SLBP: variants seen among roughly 807,000 people sequenced by gnomAD.
SLBP encodes stem-loop histone mRNA binding protein.
In SLBP, 29 loss-of-function variants were observed where a neutral mutation model predicts 39.2. The observed-to-expected ratio is 0.74, with a 90% confidence interval of 0.55 to 1.01. SLBP has a LOEUF of 1.01. SLBP is among the 50% of genes least tolerant of loss of function. The pLI, the probability that SLBP is intolerant of heterozygous loss-of-function variation, is 0.00. For missense variants in SLBP, 390 were observed against 350.2 expected (o/e 1.11, Z -0.91); for synonymous variants, 129 against 118.7 (o/e 1.09, Z -0.57).
At chr4:1,701,147 T>C (rs1004448210) in intron 3 of SLBP, among the ~76,000 whole-genome samples, 2 of 46,644 alleles carry the variant, frequency 4.3e-5, no homozygotes, top group Non-Finnish European at 1.2e-4. Context: ...CTTTTTTTTC[T>C]TTTTTTTTTT....
intron 3 of SLBP, among the ~76,000 whole-genome samples, chr4:1,702,144 G>A (rs1716352299): frequency 6.6e-6 from 1 of 152,160 alleles, no homozygotes; most frequent in Non-Finnish European, 1.5e-5. Context: ...CTAGGCTATC[G>A]GTATGCAAGA....
chr4:1,711,776 T>C lies in SLBP; in HGVS notation c.176+98A>G, dbSNP rs1016507817. The C allele has an allele frequency of 6.6e-6, 4 of 602,624 alleles. No homozygotes were observed. The East Asian group carries it at 1.4e-4, about 21-fold the overall frequency. 37.3% of individuals were successfully genotyped at this position (602,624 alleles called of 1,614,324 possible). ...GATAAAAGGACGCAGGGTGCCGACC[T>C]GACCGATCCCGGCACCGCGAGAGCG... On this transcript the variant is annotated intron_variant, in intron 2 of 7. Coordinates refer to ENST00000489418, the MANE Select transcript of SLBP (RefSeq NM_006527.4).
chr4:1,699,944 C>G, intron 4 of SLBP, 67 bp downstream of exon 4: 1 of 1,136,244 alleles, frequency 8.8e-7, no homozygotes, highest in South Asian at 1.4e-5. Context: ...CTGACAGTCA[C>G]AATTTTTTTT....
intron 3 of SLBP, among the ~76,000 whole-genome samples, chr4:1,702,306 A>G (rs1716357202): frequency 6.6e-6 from 1 of 152,228 alleles, no homozygotes; most frequent in African/African-American, 2.4e-5. Flanking sequence ...CATTTCTTCT[A>G]CCAAGGCATA....
intron 5 of SLBP, among the ~76,000 whole-genome samples, chr4:1,697,314 A>G (rs1577178148): frequency 6.6e-6 from 1 of 151,318 alleles, no homozygotes; most frequent in African/African-American, 2.4e-5. Context: ...CTAAAAATAC[A>G]AAAAACTAGC....
Position 1,711,944 on chromosome 4 carries a change from C to G in SLBP, c.106G>C (p.Asp36His). The change falls in exon 2 of 8, where the codon GAC becomes CAC. Residue 36 changes from aspartate (D) to histidine (H), a missense_variant. Physicochemically the swap from Asp to His is moderately conservative, Grantham distance 81. Coordinates refer to ENST00000489418, the MANE Select transcript of SLBP (RefSeq NM_006527.4). ...TCTTCGGGCCTCCAGCGCCTGCCGTCGGCTCTGCGCTTCCGTCCCAGGCTC... is the reference window on the plus strand; with the variant it reads ...TCTTCGGGCCTCCAGCGCCTGCCGTGGGCTCTGCGCTTCCGTCCCAGGCTC... ...RWSLGRKRRA[D>H]GRRWRPEDAE... The G allele has an allele frequency of 7.5e-7, 1 of 1,339,260 alleles. No individual in the cohort carries two copies. Among genetic ancestry groups the G allele is most frequent in the Non-Finnish European group, 9.6e-7 (1 of 1,046,542 alleles). The allele number at this position is 1,339,260 out of a possible 1,614,324, so 83.0% of individuals were successfully genotyped here. A position where few individuals can be genotyped will look rare whatever the true frequency, so the allele number is the denominator to read the frequency against.
chr4:1,700,218 AG>A, intron 3 of SLBP, 148 bp from the exon 4 acceptor site: 1 of 479,400 alleles, frequency 2.1e-6, no homozygotes, highest in Non-Finnish European at 3.7e-6. Context: ...TGTCAGGTTC[AG>A]TTTAAGTAGT....
In SLBP at chr4:1,712,298, C is replaced by T. The variant is rs1307689344; in HGVS notation, c.-110G>A. 1.1e-5 allele frequency: 7 copies of T among 642,044 alleles called. No homozygotes were observed. The Admixed American group carries it at 1.7e-4, about 16-fold the overall frequency. 39.8% of individuals were successfully genotyped at this position (642,044 alleles called of 1,614,324 possible). On this transcript the variant is annotated 5_prime_UTR_variant, in exon 1 of 8. Transcript: ENST00000489418. ...GGCCTGAGGCAGAAACCCGCGTCCCCGCGCCGGCGCTCACGAGCTCTGCGC... is the reference window on the plus strand; with the variant it reads ...GGCCTGAGGCAGAAACCCGCGTCCCTGCGCCGGCGCTCACGAGCTCTGCGC...
intron 7 of SLBP, among the ~76,000 whole-genome samples, chr4:1,694,479 C>G (rs1414973714): frequency 1.3e-5 from 2 of 151,908 alleles, no homozygotes; most frequent in African/African-American, 4.8e-5. Flanking sequence ...GCAACCTCCA[C>G]CTCCTGGGTT....
intron 5 of SLBP, among the ~76,000 whole-genome samples, chr4:1,697,526 T>TA (rs1716157235): frequency 6.6e-6 from 1 of 150,898 alleles, no homozygotes; most frequent in Non-Finnish European, 1.5e-5. Flanking sequence ...CAAATATGTT[T>TA]AAAAAAATTA....
intron 2 of SLBP, among the ~76,000 whole-genome samples, chr4:1,706,359 T>G (rs1193220976): frequency 1.3e-5 from 2 of 152,258 alleles, no homozygotes; most frequent in South Asian, 2.1e-4. Context: ...CAGAATGTTA[T>G]GTACACTATG....
intron 2 of SLBP, among the ~76,000 whole-genome samples, 167 bp downstream of exon 2, chr4:1,711,707 G>C (rs529975604): frequency 6.6e-6 from 1 of 152,334 alleles, no homozygotes; most frequent in African/African-American, 2.4e-5. Flanking sequence ...GCGCCTCCCA[G>C]GCCTGCTGCG....
rs112350498 is a variant in SLBP, at chr4:1,693,989, T to G, written c.697-276A>C. Among the ~76,000 whole-genome samples, 6 of 152,332 alleles carry G rather than the reference T, an allele frequency of 3.9e-5. No homozygotes were observed. In the East Asian group the frequency reaches 1.2e-3, roughly 29 times the overall value. ...ACTGTGCCTGGCCATGTACATAGTT[T>G]ATAAGCACAGAAAGAATTGTAAAAG... On this transcript the variant is annotated intron_variant, in intron 7 of 7. Coordinates refer to ENST00000489418, the MANE Select transcript of SLBP (RefSeq NM_006527.4).
chr4:1,711,741 C>G (rs947400096), intron 2 of SLBP, 133 bp downstream of exon 2: 2 of 435,420 alleles, frequency 4.6e-6, no homozygotes, highest in East Asian at 7.3e-5. Context: ...ACGGGCCGCG[C>G]GGAGACCAAG....
chr4:1,699,321 G>T (rs1346320099), intron 5 of SLBP, among the ~76,000 whole-genome samples: 4 of 152,058 alleles, frequency 2.6e-5, no homozygotes, highest in Non-Finnish European at 4.4e-5. Flanking sequence ...TGACTCCTAA[G>T]AAATAAAATG....
chr4:1,703,575 A>T, intron 3 of SLBP, 21 bp downstream of exon 3: 1 of 1,433,162 alleles, frequency 7.0e-7, no homozygotes, highest in Non-Finnish European at 9.9e-7. Flanking sequence ...TTAACACTTC[A>T]AGGTGGTCCA....
chr4:1,694,134 G>A lies in SLBP; in HGVS notation c.697-421C>T, dbSNP rs917474097. Among the ~76,000 whole-genome samples, 2 of 152,250 alleles carry A rather than the reference G, an allele frequency of 1.3e-5. 1 individual carries two copies. Among genetic ancestry groups the A allele is most frequent in the Non-Finnish European group, 2.9e-5 (2 of 68,054 alleles). On this transcript the variant is annotated intron_variant, in intron 7 of 7. Coordinates refer to ENST00000489418, the MANE Select transcript of SLBP (RefSeq NM_006527.4). ...GTCTCACTCTGTCACACAGGGTGGA[G>A]GGCAGTGGTACAATTTCGGCTCATT...
In SLBP at chr4:1,692,913, T is replaced by C. The variant is rs1031344321; in HGVS notation, c.*684A>G. The C allele has an allele frequency of 2.6e-5, 4 of 152,674 alleles. No homozygotes were observed. The highest frequency in any genetic ancestry group is 4.4e-5 in the Non-Finnish European group (3 of 68,052). The allele number at this position is 152,674 out of a possible 1,614,324, so 9.5% of individuals were successfully genotyped here. A position where few individuals can be genotyped will look rare whatever the true frequency, so the allele number is the denominator to read the frequency against. On this transcript the variant is annotated 3_prime_UTR_variant, in exon 8 of 8. Coordinates refer to ENST00000489418, the MANE Select transcript of SLBP (RefSeq NM_006527.4). ...TTGAACAGAAAATCTGTACACATTA[T>C]CATTTACAGCAATTTTACATGGTAA...
In SLBP at chr4:1,712,228, AGGC is replaced by A. The variant is rs943956159; in HGVS notation, c.-43_-41del. 43 of 1,216,658 alleles carry A rather than the reference AGGC, an allele frequency of 3.5e-5. No homozygotes were observed. The highest frequency in any genetic ancestry group is 1.9e-4 in the South Asian group (8 of 42,706). 75.4% of individuals were successfully genotyped at this position (1,216,658 alleles called of 1,614,324 possible). A position where few individuals can be genotyped will look rare whatever the true frequency, so the allele number is the denominator to read the frequency against. The stretch of plus-strand genomic sequence containing the variant: ...GGCGCGCAGCGCAGGGCCGAGGCTG[AGGC>A]GGCGGCGGCGCGGGCAGAGAGCGCA... On this transcript the variant is annotated 5_prime_UTR_variant, in exon 1 of 8. Coordinates refer to ENST00000489418, the MANE Select transcript of SLBP (RefSeq NM_006527.4).
Sources: gnomAD v4.1 joint callset for allele counts (sites outside exome capture counted in the v4.1 genomes callset) on GRCh38, gnomAD v4.1.1 for gene constraint, MANE v1.5 for transcripts, NCBI Gene and HGNC (gene_info 2026-07-23, HGNC 2026-07-21) for gene names.